LMO7: variants seen among roughly 807,000 people sequenced by gnomAD.
LMO7 encodes the protein LIM domain only protein 7.
LMO7 carries 120 observed loss-of-function variants against 206.5 expected under a neutral mutation model. That is an observed-to-expected ratio of 0.58 (90% CI 0.50 to 0.68). LMO7 has a LOEUF of 0.68. Ranked by LOEUF, LMO7 falls within the 30% of genes least tolerant of loss-of-function variation. The pLI is 0.00. For missense variants in LMO7, 1,959 were observed against 1,957.9 expected (o/e 1.00, Z -0.01); for synonymous variants, 706 against 681.5 (o/e 1.04, Z -0.56).
intron 1 of LMO7, among the ~76,000 whole-genome samples, chr13:75,659,953 A>C (rs890735004): frequency 3.6e-5 from 5 of 139,208 alleles, no homozygotes; most frequent in African/African-American, 1.3e-4. Context: ...CATGTGTAAA[A>C]ATATTTTAGT....
At chr13:75,733,171 A>G (rs2045440356) in intron 3 of LMO7, among the ~76,000 whole-genome samples, 1 of 152,260 alleles carries the variant, frequency 6.6e-6, no homozygotes, top group Non-Finnish European at 1.5e-5. Flanking sequence ...AGACAGGGAC[A>G]TTTAAGTTTG....
chr13:75,716,408 ATG>A (rs1383050813), intron 2 of LMO7, among the ~76,000 whole-genome samples: 1 of 152,120 alleles, frequency 6.6e-6, no homozygotes, highest in African/African-American at 2.4e-5. Flanking sequence ...TAGTATCTTC[ATG>A]TTAGTCATTT....
At chr13:75,772,576 T>A (rs933492605) in intron 4 of LMO7, among the ~76,000 whole-genome samples, 11 of 152,098 alleles carry the variant, frequency 7.2e-5, no homozygotes, top group African/African-American at 2.7e-4. Context: ...GCTTAGTAAA[T>A]GGTGCAAATG....
At chr13:75,756,744 GGAA>G (rs2047710363) in intron 3 of LMO7, among the ~76,000 whole-genome samples, 1 of 152,130 alleles carries the variant, frequency 6.6e-6, no homozygotes, top group East Asian at 1.9e-4. Context: ...CAAGTTGAGA[GGAA>G]CTTTACTTAA....
Position 75,855,212 on chromosome 13 carries a change from T to C in LMO7, c.4662-48T>C, listed in dbSNP as rs1362140970. On this transcript the variant is annotated intron_variant, in intron 28 of 30. Coordinates refer to ENST00000377534, the MANE Select transcript of LMO7 (RefSeq NM_001306080.2). ...GAGTGTGACTTTTAAAGAAGAATCT[T>C]GAGCTGCCCAGGTGAAAGCCTCCAT... 4 of 1,137,460 alleles carry C rather than the reference T, an allele frequency of 3.5e-6. No individual in the cohort carries two copies. The South Asian group carries it at 3.8e-5, about 11-fold the overall frequency. 70.5% of individuals were successfully genotyped at this position (1,137,460 alleles called of 1,614,324 possible).
upstream of LMO7, among the ~76,000 whole-genome samples, chr13:75,635,170 G>C (rs1380169902): frequency 1.3e-5 from 2 of 152,160 alleles, no homozygotes; most frequent in Admixed American, 1.3e-4. Context: ...TATTCTACTA[G>C]TCTCTGCTCT....
chr13:75,839,962 C>T (rs778823335), intron 20 of LMO7, 123 bp from the exon 21 acceptor site: 3 of 832,390 alleles, frequency 3.6e-6, no homozygotes, highest in Non-Finnish European at 5.8e-6. Context: ...TTTAAAAAAA[C>T]ATTGTCACTT....
intron 1 of LMO7, among the ~76,000 whole-genome samples, chr13:75,651,167 C>T (rs925330190): frequency 3.3e-5 from 5 of 152,116 alleles, no homozygotes; most frequent in Non-Finnish European, 7.3e-5. Flanking sequence ...TGGTTGACAG[C>T]CACACTACAA....
intron 1 of LMO7, among the ~76,000 whole-genome samples, chr13:75,650,465 C>G (rs937977611): frequency 6.6e-6 from 1 of 152,042 alleles, no homozygotes; most frequent in Non-Finnish European, 1.5e-5. Flanking sequence ...CCTGCTCTCC[C>G]CAGAGATCCT....
chr13:75,729,655 C>T (rs1420622332), intron 3 of LMO7, among the ~76,000 whole-genome samples: 1 of 151,000 alleles, frequency 6.6e-6, no homozygotes, highest in Non-Finnish European at 1.5e-5. Flanking sequence ...CCAGAACTTC[C>T]AACACTATGT....
chr13:75,708,249 CA>C (rs1171153870), intron 1 of LMO7, among the ~76,000 whole-genome samples: 1 of 152,200 alleles, frequency 6.6e-6, no homozygotes, highest in Non-Finnish European at 1.5e-5. Flanking sequence ...TGCTTAAGAT[CA>C]CACAGTTATT....
intron 3 of LMO7, among the ~76,000 whole-genome samples, chr13:75,750,853 C>T (rs552317895): frequency 6.6e-6 from 1 of 152,262 alleles, no homozygotes; most frequent in Non-Finnish European, 1.5e-5. Context: ...TTTGACTGTG[C>T]ATCAGTTGCA....
chr13:75,756,848 T>A (rs1188983614), intron 3 of LMO7, among the ~76,000 whole-genome samples: 1 of 152,198 alleles, frequency 6.6e-6, no homozygotes, highest in Non-Finnish European at 1.5e-5. Flanking sequence ...GTTCACCTTG[T>A]AAAGGGATGA....
At chr13:75,672,493 G>A (rs542094610) in intron 1 of LMO7, among the ~76,000 whole-genome samples, 17 of 152,222 alleles carry the variant, frequency 1.1e-4, no homozygotes, top group African/African-American at 4.1e-4. Context: ...CAATTGCATT[G>A]TATTACATTG....
intron 11 of LMO7, among the ~76,000 whole-genome samples, chr13:75,811,410 G>A (rs1408079404): frequency 6.6e-6 from 1 of 152,122 alleles, no homozygotes; most frequent in Non-Finnish European, 1.5e-5. Flanking sequence ...ATTGGATTAA[G>A]TGTAGGCTTT....
chr13:75,745,652 C>G (rs545987373), intron 3 of LMO7, among the ~76,000 whole-genome samples: 2 of 152,250 alleles, frequency 1.3e-5, no homozygotes, highest in Admixed American at 6.5e-5. Context: ...AATCTGTAGA[C>G]TGAGTAAAGC....
At chr13:75,768,532 A>C (rs2049198188) in intron 4 of LMO7, among the ~76,000 whole-genome samples, 1 of 152,096 alleles carries the variant, frequency 6.6e-6, no homozygotes, top group Non-Finnish European at 1.5e-5. Flanking sequence ...TGAAATTTTT[A>C]AATCTGATTT....
chr13:75,735,151 A>G (rs1478932206), intron 3 of LMO7, among the ~76,000 whole-genome samples: 6 of 151,656 alleles, frequency 4.0e-5, no homozygotes, highest in African/African-American at 1.5e-4. Flanking sequence ...GTATGTATGT[A>G]CATACACATG....
rs1409028340 is a variant in LMO7 at position 75,636,711 on chromosome 13, T to G, written c.54T>G (p.Ala18=). The G allele has an allele frequency of 6.2e-7, 1 of 1,609,228 alleles. No individual in the cohort carries two copies. Among genetic ancestry groups the G allele is most frequent in the Non-Finnish European group, 8.5e-7 (1 of 1,178,592 alleles). The change falls in exon 1 of 31, where the codon GCT becomes GCG. Residue 18 remains alanine, a synonymous_variant. Coordinates refer to ENST00000377534, the MANE Select transcript of LMO7 (RefSeq NM_001306080.2). The part of the protein sequence containing the change: ...EANCSVAFAE[A]QRWVEAVTEK... ...ACTGCTCCGTGGCGTTCGCTGAGGC[T>G]CAGAGATGGGTGGAGGTGAGTGCCT...
Sources: allele counts gnomAD v4.1 joint callset (sites outside exome capture counted in the v4.1 genomes callset), GRCh38; gene constraint gnomAD v4.1.1; transcripts MANE v1.5; gene names NCBI Gene and HGNC (gene_info 2026-07-23, HGNC 2026-07-21).